Variants in MUSTN1 observed in about 807,000 individuals in gnomAD.
MUSTN1 encodes the protein musculoskeletal embryonic nuclear protein 1.
A neutral mutation model predicts 11.8 loss-of-function variants in MUSTN1; 14 were observed. The ratio of observed to expected loss-of-function variants is 1.18; its 90% CI spans 0.78 to 1.85. The LOEUF (loss-of-function observed/expected upper bound fraction) is 1.85. MUSTN1 is among the 40% of genes most tolerant of loss of function. The pLI is 0.00. For synonymous variants in MUSTN1, 42 were observed against 43.3 expected (o/e 0.97, Z 0.12); for missense variants, 111 against 108.8 (o/e 1.02, Z -0.09).
chr3:52,833,255 A>G lies in MUSTN1; in HGVS notation c.*69T>C. 1 of 1,596,360 alleles carries G rather than the reference A, an allele frequency of 6.3e-7. No individual in the cohort carries two copies. The highest frequency in any genetic ancestry group is 8.5e-7 in the Non-Finnish European group (1 of 1,170,604). On this transcript the variant is annotated 3_prime_UTR_variant, in exon 3 of 3. Transcript: ENST00000446157. Reference sequence around the variant, plus strand: ...CAGGGGAGAGGAAGCGTTCTGGCATAAAAAAGAGTTCCTGGGAAAGGCTCC... The same window carrying G: ...CAGGGGAGAGGAAGCGTTCTGGCATGAAAAAGAGTTCCTGGGAAAGGCTCC...
chr3:52,834,821 C>T (rs1700670259), intron 1 of MUSTN1, 119 bp downstream of exon 1: 1 of 1,267,564 alleles, frequency 7.9e-7, no homozygotes, highest in Non-Finnish European at 1.1e-6. Context: ...CCAAGGGCTG[C>T]AGAGCCTCCA....
intron 1 of MUSTN1, among the ~76,000 whole-genome samples, chr3:52,834,137 C>T (rs765015559): frequency 1.4e-4 from 21 of 152,190 alleles, no homozygotes; most frequent in Non-Finnish European, 2.4e-4. Flanking sequence ...GGGTGGCAAG[C>T]GGTTCCTCAA....
intron 1 of MUSTN1, 129 bp from the exon 2 acceptor site, chr3:52,833,878 T>C: frequency 4.9e-6 from 7 of 1,418,666 alleles, no homozygotes; most frequent in Non-Finnish European, 6.5e-6. Flanking sequence ...TCTACTCCTC[T>C]TCCAGAGAAA....
chr3:52,833,904 C>T (rs1439672690), intron 1 of MUSTN1, among the ~76,000 whole-genome samples, 155 bp from the exon 2 acceptor site: 1 of 152,184 alleles, frequency 6.6e-6, no homozygotes, highest in African/African-American at 2.4e-5. Flanking sequence ...CCCAACTATA[C>T]TCCACCTGCT....
intron 2 of MUSTN1, 59 bp downstream of exon 2, chr3:52,833,558 C>CA: frequency 5.0e-6 from 8 of 1,593,414 alleles, no homozygotes; most frequent in Non-Finnish European, 6.8e-6. Flanking sequence ...CACCTCCCCC[C>CA]ACCACTGACA....
chr3:52,834,502 G>A (rs545333072), intron 1 of MUSTN1, among the ~76,000 whole-genome samples: 6 of 152,174 alleles, frequency 3.9e-5, no homozygotes, highest in African/African-American at 1.4e-4. Flanking sequence ...AGCCTCATGT[G>A]CACACACATA....
chr3:52,834,634 G>A (rs993814578), intron 1 of MUSTN1: 8 of 533,874 alleles, frequency 1.5e-5, no homozygotes, highest in Admixed American at 3.6e-5. Context: ...GAGCTATATC[G>A]GCAGCACACA....
At chr3:52,833,515 G>T in intron 2 of MUSTN1, 85 bp from the exon 3 acceptor site, 1 of 1,586,844 alleles carries the variant, frequency 6.3e-7, no homozygotes, top group Non-Finnish European at 8.6e-7. Context: ...CTTGAACCCA[G>T]GAATACTGGA....
chr3:52,833,737 C>T lies in MUSTN1; in HGVS notation c.22G>A (p.Glu8Lys). The T allele has an allele frequency of 1.9e-6, 3 of 1,582,486 alleles. No individual in the cohort carries two copies. Among genetic ancestry groups the T allele is most frequent in the Non-Finnish European group, 2.6e-6 (3 of 1,164,038 alleles). Residue 8 changes from glutamate to lysine, a missense_variant, in exon 2 of 3, where the codon GAA becomes AAA. Coordinates refer to ENST00000446157, the MANE Select transcript of MUSTN1 (RefSeq NM_205853.4). ...GGGCGCTTCTTCTTGATAGGGGCTT[C>T]CTGAGCACCAGCCTTGGAGATCCAA... is the stretch of plus-strand genomic sequence containing the variant. The part of the protein sequence containing the change: MSQAGAQ[E>K]APIKKKRPPV...
chr3:52,834,893 C>T, intron 1 of MUSTN1, 47 bp downstream of exon 1: 3 of 1,609,812 alleles, frequency 1.9e-6, no homozygotes, highest in Non-Finnish European at 2.5e-6. Context: ...CAGGACTCCA[C>T]CTCCACTCCC....
rs1350640271 is a variant in MUSTN1 at position 52,833,624 on chromosome 3, T to C, written c.135A>G (p.Arg45=). Residue 45 remains arginine, a synonymous_variant, in exon 2 of 3, where the codon CGA becomes CGG. Coordinates refer to ENST00000446157, the MANE Select transcript of MUSTN1 (RefSeq NM_205853.4). ...TGGCATGAGGACACTCACCACACTC[T>C]CGCATGACCTGGTAGGTCTTGGACT... ...EIKSKTYQVM[R]ECEQAGSAAP... The C allele has an allele frequency of 2.5e-6, 4 of 1,610,756 alleles. No individual in the cohort carries two copies. The South Asian group carries it at 4.4e-5, about 18-fold the overall frequency.
chr3:52,833,695 C>A lies in MUSTN1; in HGVS notation c.64G>T (p.Asp22Tyr), dbSNP rs1447658407. ...KKKRPPVKDE[D>Y]LKGARGNLTK... is the part of the protein sequence containing the mutation. ...AGGTTTCCTCGGGCCCCCTTCAGGT[C>A]CTCGTCCTTCACAGGGGGGCGCTTC... Residue 22 changes from aspartate (D) to tyrosine (Y), a missense_variant, in exon 2 of 3, where the codon GAC becomes TAC. By Grantham distance (160) the Asp-to-Tyr change is radical (BLOSUM62 -3). Transcript: ENST00000446157. The A allele has an allele frequency of 2.6e-5, 42 of 1,598,006 alleles. No homozygotes were observed. The highest frequency in any genetic ancestry group is 3.5e-5 in the Non-Finnish European group (41 of 1,172,442).
In MUSTN1 at chr3:52,833,350, C is replaced by G. The variant is rs201153207; in HGVS notation, c.223G>C (p.Gly75Arg). ...TETVFEKPKA[G>R]PTKSVFG ...CAGCCGAAGACACTCTTGGTGGGTC[C>G]GGCTTTGGGCTTCTCAAAGACAGTC... The change falls in exon 3 of 3, where the codon GGA (glycine) becomes CGA (arginine). Residue 75 changes from glycine to arginine, a missense_variant. Physicochemically the swap from Gly to Arg is moderately radical, Grantham distance 125. Coordinates refer to ENST00000446157, the MANE Select transcript of MUSTN1 (RefSeq NM_205853.4). 2 of 1,613,844 alleles carry G rather than the reference C, an allele frequency of 1.2e-6. No homozygotes were observed. Among genetic ancestry groups the G allele is most frequent in the Non-Finnish European group, 8.5e-7 (1 of 1,179,842 alleles).
At chr3:52,833,541 C>A in intron 2 of MUSTN1, 76 bp downstream of exon 2, 1 of 1,584,070 alleles carries the variant, frequency 6.3e-7, no homozygotes, top group Non-Finnish European at 8.6e-7. Context: ...AGAAAAGGAT[C>A]CTTGACCACC....
intron 1 of MUSTN1, chr3:52,834,732 C>A: frequency 1.4e-6 from 1 of 702,648 alleles, no homozygotes. Context: ...CTCTCCACTC[C>A]TCCTAACAAA....
At position 52,833,607 on chromosome 3, in the gene MUSTN1, G is replaced by A. The variant is rs1700637044; in HGVS notation, c.142+10C>T. 2 of 1,610,426 alleles carry A rather than the reference G, an allele frequency of 1.2e-6. No individual in the cohort carries two copies. The highest frequency in any genetic ancestry group is 2.2e-5 in the East Asian group (1 of 44,752). On this transcript the variant is annotated intron_variant, in intron 2 of 2. Coordinates refer to ENST00000446157, the MANE Select transcript of MUSTN1 (RefSeq NM_205853.4). ...CCATCCCCAGCCCCAGATGGCATGAGGACACTCACCACACTCTCGCATGAC... is the reference window on the plus strand; with the variant it reads ...CCATCCCCAGCCCCAGATGGCATGAAGACACTCACCACACTCTCGCATGAC...
At chr3:52,834,651 T>TACACACA in intron 1 of MUSTN1, 1 of 384,672 alleles carries the variant, frequency 2.6e-6, no homozygotes, top group Non-Finnish European at 4.5e-6. Context: ...CACACACAGA[T>TACACACA]GCGCACACAC....
chr3:52,834,171 G>A (rs1045300339), intron 1 of MUSTN1, among the ~76,000 whole-genome samples: 2 of 152,162 alleles, frequency 1.3e-5, no homozygotes, highest in African/African-American at 2.4e-5. Context: ...CCAGAAAAGC[G>A]CCACTATTTA....
rs1381767325 is a variant in MUSTN1 at position 52,833,694 on chromosome 3, T to C, written c.65A>G (p.Asp22Gly). The change falls in exon 2 of 3, where the codon GAC becomes GGC. Residue 22 changes from aspartate to glycine, a missense_variant. By Grantham distance (94) the Asp-to-Gly change is moderately conservative. Coordinates refer to ENST00000446157, the MANE Select transcript of MUSTN1 (RefSeq NM_205853.4). ...KKKRPPVKDE[D>G]LKGARGNLTK... is the part of the protein sequence containing the mutation. ...CAGGTTTCCTCGGGCCCCCTTCAGG[T>C]CCTCGTCCTTCACAGGGGGGCGCTT... is the stretch of plus-strand genomic sequence containing the variant. The C allele has an allele frequency of 1.3e-6, 2 of 1,597,898 alleles. No homozygotes were observed. Among genetic ancestry groups the C allele is most frequent in the Non-Finnish European group, 1.7e-6 (2 of 1,172,340 alleles).
Sources: allele counts gnomAD v4.1 joint callset (sites outside exome capture counted in the v4.1 genomes callset), GRCh38; gene constraint gnomAD v4.1.1; transcripts MANE v1.5; gene names NCBI Gene and HGNC (gene_info 2026-07-23, HGNC 2026-07-21).